The following PRKCE variants were observed in gnomAD, a reference collection of about 807,000 sequenced individuals.
PRKCE encodes the protein protein kinase C epsilon type.
PRKCE carries 16 observed loss-of-function variants against 85.4 expected under a neutral mutation model. The observed-to-expected ratio is 0.19, with a 90% confidence interval of 0.13 to 0.28. The LOEUF (loss-of-function observed/expected upper bound fraction) is 0.28. Ranked by LOEUF, PRKCE falls within the 10% of genes least tolerant of loss-of-function variation. The probability of loss-of-function intolerance (pLI) is 1.00; values close to 1 mark genes in which losing one functional copy is unlikely to be tolerated. For missense variants in PRKCE, 573 were observed against 975.2 expected (o/e 0.59, Z 5.49); for synonymous variants, 388 against 371.5 (o/e 1.04, Z -0.51).
chr2:45,919,712 G>A (rs986882945), intron 2 of PRKCE, among the ~76,000 whole-genome samples: 20 of 152,210 alleles, frequency 1.3e-4, no homozygotes, highest in South Asian at 2.1e-4. Context: ...GAAAATCTAG[G>A]CCTTCTTTGG....
intron 1 of PRKCE, among the ~76,000 whole-genome samples, chr2:45,802,500 G>C (rs148190107): frequency 6.6e-6 from 1 of 152,056 alleles, no homozygotes; most frequent in African/African-American, 2.4e-5. Context: ...AAACCTCAAC[G>C]GAGTAGACTA....
In PRKCE at chr2:46,145,065, G is replaced by A. The variant is rs1334912871; in HGVS notation, c.1593-28G>A. Reference sequence around the variant, plus strand: ...ACTATATTGGGGTGAGTGACGTATTGACATTATGGTCCTGGCCTATCTTGC... The same window carrying A: ...ACTATATTGGGGTGAGTGACGTATTAACATTATGGTCCTGGCCTATCTTGC... On this transcript the variant is annotated intron_variant, in intron 11 of 14. Coordinates refer to ENST00000306156, the MANE Select transcript of PRKCE (RefSeq NM_005400.3). This position sits in a 1 kb window ranked among gnomAD's most constrained non-coding sequence, Gnocchi z 4.6. 2 of 1,599,462 alleles carry A rather than the reference G, an allele frequency of 1.3e-6. No individual in the cohort carries two copies. Among genetic ancestry groups the A allele is most frequent in the East Asian group, 4.5e-5 (2 of 44,878 alleles).
chr2:46,027,003 C>CA (rs746449111), intron 10 of PRKCE, among the ~76,000 whole-genome samples: 47 of 152,076 alleles, frequency 3.1e-4, no homozygotes, highest in Middle Eastern at 3.4e-3. Flanking sequence ...CCTGTCTCTA[C>CA]AAAAAATTGT....
At position 45,660,048 on chromosome 2, in the gene PRKCE, G is replaced by C. The variant is rs553978439; in HGVS notation, c.348+7600G>C. ...GTTGAATGAATGAATAAATTTCTTGGCACATTGTTGAATGAATGAATGAAT... is the reference window on the plus strand; with the variant it reads ...GTTGAATGAATGAATAAATTTCTTGCCACATTGTTGAATGAATGAATGAAT... On this transcript the variant is annotated intron_variant, in intron 1 of 14. Transcript: ENST00000306156. Among the ~76,000 whole-genome samples, 5 of 152,050 alleles carry C rather than the reference G, an allele frequency of 3.3e-5. No individual in the cohort carries two copies. In the East Asian group the frequency reaches 9.6e-4, roughly 29 times the overall value.
At chr2:45,896,164 T>C (rs1377988365) in intron 2 of PRKCE, among the ~76,000 whole-genome samples, 1 of 152,184 alleles carries the variant, frequency 6.6e-6, no homozygotes, top group Non-Finnish European at 1.5e-5. Flanking sequence ...GATTAAATGG[T>C]CAGTTATCCC....
chr2:45,726,332 G>A (rs1681067961), intron 1 of PRKCE, among the ~76,000 whole-genome samples: 1 of 152,186 alleles, frequency 6.6e-6, no homozygotes, highest in Non-Finnish European at 1.5e-5. Flanking sequence ...AAACTTCATT[G>A]TCTTATTTTA....
intron 13 of PRKCE, among the ~76,000 whole-genome samples, chr2:46,153,818 G>A (rs56016115): frequency 5.0e-4 from 59 of 117,242 alleles, no homozygotes; most frequent in African/African-American, 1.6e-3. Flanking sequence ...ACCAAGTCTC[G>A]CTCTGTCACC....
intron 10 of PRKCE, among the ~76,000 whole-genome samples, chr2:46,017,941 T>A (rs965906895): frequency 6.6e-6 from 1 of 152,214 alleles, no homozygotes; most frequent in Non-Finnish European, 1.5e-5. Flanking sequence ...TTCTCTGTCC[T>A]CCTGTCCAAA....
chr2:46,116,884 G>T (rs1028152016), intron 11 of PRKCE, among the ~76,000 whole-genome samples: 1 of 152,168 alleles, frequency 6.6e-6, no homozygotes, highest in East Asian at 1.9e-4. Context: ...AAAAAAAACC[G>T]GAGAGCAGGC....
At chr2:46,024,389 C>T (rs971553955) in intron 10 of PRKCE, among the ~76,000 whole-genome samples, 3 of 151,528 alleles carry the variant, frequency 2.0e-5, no homozygotes, top group Admixed American at 1.3e-4. Flanking sequence ...TTTACCATGA[C>T]GTTCCAGGGA....
At chr2:46,045,773 G>A (rs1708485271) in intron 10 of PRKCE, among the ~76,000 whole-genome samples, 3 of 152,112 alleles carry the variant, frequency 2.0e-5, no homozygotes, top group Non-Finnish European at 4.4e-5. Flanking sequence ...CAGCTGCTTG[G>A]GAGGCTGAGG....
chr2:45,735,153 G>A (rs192082717), intron 1 of PRKCE, among the ~76,000 whole-genome samples: 2 of 152,324 alleles, frequency 1.3e-5, no homozygotes, highest in African/African-American at 4.8e-5. Context: ...GGCGCATGAT[G>A]TGATTGCAAC....
chr2:45,663,655 C>CT (rs796673017), intron 1 of PRKCE, among the ~76,000 whole-genome samples: 9 of 152,212 alleles, frequency 5.9e-5, no homozygotes, highest in African/African-American at 2.2e-4. Context: ...TGGTGGCAGG[C>CT]ACCTGTAGTT....
At chr2:45,850,606 G>C (rs1020135884) in intron 2 of PRKCE, among the ~76,000 whole-genome samples, 1 of 152,160 alleles carries the variant, frequency 6.6e-6, no homozygotes, top group Non-Finnish European at 1.5e-5. Context: ...GTTGAAAATG[G>C]CCAGTGCTAA....
chr2:45,913,191 G>T (rs570679301), intron 2 of PRKCE, among the ~76,000 whole-genome samples: 81 of 152,330 alleles, frequency 5.3e-4, no homozygotes, highest in African/African-American at 1.9e-3. Flanking sequence ...TTGTTACCCA[G>T]GCTGGAGTGC....
intron 10 of PRKCE, among the ~76,000 whole-genome samples, chr2:46,080,350 G>A (rs533382933): frequency 1.1e-4 from 16 of 152,264 alleles, no homozygotes; most frequent in Middle Eastern, 3.4e-3. Context: ...AGAGTTGATC[G>A]TGCTTTGGGG....
chr2:45,857,213 T>G (rs192169789), intron 2 of PRKCE, among the ~76,000 whole-genome samples: 1 of 152,230 alleles, frequency 6.6e-6, no homozygotes, highest in African/African-American at 2.4e-5. Flanking sequence ...TGATGCTTTC[T>G]AAAAATGCTT....
At chr2:46,015,952 G>A (rs147502139) in intron 10 of PRKCE, among the ~76,000 whole-genome samples, 1 of 152,294 alleles carries the variant, frequency 6.6e-6, no homozygotes, top group Non-Finnish European at 1.5e-5. Flanking sequence ...GGGTCAGGCA[G>A]CCACCTGGGA....
intron 10 of PRKCE, among the ~76,000 whole-genome samples, chr2:46,024,465 T>A (rs1574264692): frequency 6.6e-6 from 1 of 152,168 alleles, no homozygotes; most frequent in African/African-American, 2.4e-5. Flanking sequence ...TGGCAGGAGG[T>A]ACAAATTAAT....
Sources: allele counts gnomAD v4.1 joint callset (sites outside exome capture counted in the v4.1 genomes callset), GRCh38; gene constraint gnomAD v4.1.1; non-coding constraint Gnocchi (gnomAD v3.1); transcripts MANE v1.5; gene names NCBI Gene and HGNC (gene_info 2026-07-23, HGNC 2026-07-21).